TUBB8B: variants seen among roughly 807,000 people sequenced by gnomAD.
TUBB8B encodes the protein HSA18p11 beta-tubulin 4Q pseudogene.
In TUBB8B, 26 loss-of-function variants were observed where a neutral mutation model predicts 31.9. The observed-to-expected ratio is 0.81, with a 90% CI of 0.60 to 1.13. The LOEUF is 1.13. Among genes scored for constraint, TUBB8B ranks in the 50% most tolerant of loss-of-function variants. The pLI is 0.00. For synonymous variants in TUBB8B, 173 were observed against 231.0 expected (o/e 0.75, Z 2.28); for missense variants, 467 against 586.7 (o/e 0.80, Z 2.11).
chr18:69,923 G>A, the TUBB8B span, among the ~76,000 whole-genome samples: 10 of 152,060 alleles, frequency 6.6e-5, no homozygotes, highest in Admixed American at 1.3e-4. Context: ...TTGGGAGGCC[G>A]AGGCGGGCGG....
Position 47,789 on chromosome 18 carries a change from C to A in TUBB8B, c.936G>T (p.Thr312=), listed in dbSNP as rs774084951. The change falls in exon 4 of 4, where the codon ACG becomes ACT. Residue 312 remains threonine, a synonymous_variant. Coordinates refer to ENST00000308911, the MANE Select transcript of TUBB8B (RefSeq NM_001358689.2). ...ACDPRHGCYL[T]VAAIFRGRMP... is the part of the protein sequence containing the mutation. ...TGCGACCCCTGAAAATGGCAGCCAC[C>A]GTTAGGTAGCAGCCGTGACGGGGGT... 5.0e-6 allele frequency: 8 copies of A among 1,611,538 alleles called. No homozygotes were observed. In the African/African-American group the frequency reaches 1.1e-4, roughly 22 times the overall value.
the TUBB8B span, among the ~76,000 whole-genome samples, chr18:72,196 A>ACAAC: frequency 1.2e-5 from 1 of 84,536 alleles, no homozygotes; most frequent in African/African-American, 3.9e-5. Context: ...AAAAAAAAAA[A>ACAAC]AAAGGAAAAA....
the TUBB8B span, among the ~76,000 whole-genome samples, chr18:58,520 G>A: frequency 2.0e-5 from 3 of 151,582 alleles, no homozygotes; most frequent in East Asian, 1.9e-4. Context: ...CCTTTGCTTC[G>A]ATCCTAATAA....
chr18:63,348 C>T, the TUBB8B span, among the ~76,000 whole-genome samples: 2 of 151,780 alleles, frequency 1.3e-5, no homozygotes. Context: ...TGTAGAGGTA[C>T]TGCTGTGGTG....
chr18:58,843 A>T, the TUBB8B span, among the ~76,000 whole-genome samples: 1 of 151,784 alleles, frequency 6.6e-6, no homozygotes, highest in African/African-American at 2.4e-5. Context: ...TAAGTGGCTC[A>T]TGATTCTACA....
chr18:71,607 T>C, the TUBB8B span, among the ~76,000 whole-genome samples: 1 of 128,896 alleles, frequency 7.8e-6, no homozygotes, highest in African/African-American at 2.9e-5. Flanking sequence ...CAGCCTGGCA[T>C]GGTGGTTCAG....
At chr18:72,243 A>G in the TUBB8B span, among the ~76,000 whole-genome samples, 1 of 151,702 alleles carries the variant, frequency 6.6e-6, no homozygotes, top group Non-Finnish European at 1.5e-5. Context: ...ATACGGGTTT[A>G]CAGCTCAGTA....
chr18:71,070 A>T, the TUBB8B span, among the ~76,000 whole-genome samples: 2 of 151,186 alleles, frequency 1.3e-5, no homozygotes, highest in African/African-American at 4.9e-5. Flanking sequence ...CGACGTAAAG[A>T]TCCTGCTTAA....
At chr18:53,232 C>T (rs1906179665), upstream of TUBB8B, among the ~76,000 whole-genome samples, 1 of 151,832 alleles carries the variant, frequency 6.6e-6, no homozygotes, top group African/African-American at 2.4e-5. Flanking sequence ...CCATGAGTTC[C>T]TCTAACACAG....
At position 47,785 on chromosome 18, in the gene TUBB8B, C is replaced by A; in HGVS notation, c.940G>T (p.Ala314Ser). The change falls in exon 4 of 4, where the codon GCT becomes TCT. Residue 314 changes from alanine (A) to serine (S), a missense_variant. Around this residue, in one of 2 missense-constraint regions of TUBB8B, gnomAD observed 208 missense variants for 206.7 expected, o/e 1.01. Coordinates refer to ENST00000308911, the MANE Select transcript of TUBB8B (RefSeq NM_001358689.2). The part of the protein sequence containing the change: ...DPRHGCYLTV[A>S]AIFRGRMPMR... Reference sequence around the variant, plus strand: ...GGCATGCGACCCCTGAAAATGGCAGCCACCGTTAGGTAGCAGCCGTGACGG... The same window carrying A: ...GGCATGCGACCCCTGAAAATGGCAGACACCGTTAGGTAGCAGCCGTGACGG... 1.9e-6 allele frequency: 3 copies of A among 1,611,680 alleles called. No individual in the cohort carries two copies. Among genetic ancestry groups the A allele is most frequent in the Non-Finnish European group, 1.7e-6 (2 of 1,179,524 alleles).
chr18:52,205 C>T (rs1356655801), upstream of TUBB8B, among the ~76,000 whole-genome samples: 8 of 152,034 alleles, frequency 5.3e-5, no homozygotes, highest in Non-Finnish European at 1.0e-4. Flanking sequence ...GACATCAAGG[C>T]TAAAAGTCAG....
At chr18:48,847 G>A (rs1905882906) in intron 3 of TUBB8B, 93 bp downstream of exon 3, 1 of 924,528 alleles carries the variant, frequency 1.1e-6, no homozygotes, top group Non-Finnish European at 1.8e-6. Flanking sequence ...AGGGGCCCTG[G>A]CGCCACAGTT....
chr18:72,196 A>AAAAAAAAACAAAAAAAAAAC, the TUBB8B span, among the ~76,000 whole-genome samples: 1 of 84,536 alleles, frequency 1.2e-5, no homozygotes, highest in African/African-American at 3.9e-5. Context: ...AAAAAAAAAA[A>AAAAAAAAACAAAAAAAAAAC]AAAGGAAAAA....
At chr18:63,641 C>T in the TUBB8B span, among the ~76,000 whole-genome samples, 27 of 151,370 alleles carry the variant, frequency 1.8e-4, 1 homozygote, top group Non-Finnish European at 3.8e-4. Context: ...AACCCTAACC[C>T]CAAACCCTAA....
the TUBB8B span, among the ~76,000 whole-genome samples, chr18:68,133 C>T: frequency 6.6e-6 from 1 of 152,152 alleles, no homozygotes; most frequent in Non-Finnish European, 1.5e-5. Context: ...TTGATGTCGT[C>T]TCTGCTTTAT....
At chr18:60,087 T>G in the TUBB8B span, among the ~76,000 whole-genome samples, 1 of 151,812 alleles carries the variant, frequency 6.6e-6, no homozygotes, top group African/African-American at 2.4e-5. Context: ...AAGAATGAGT[T>G]TGGAAATGTT....
the TUBB8B span, among the ~76,000 whole-genome samples, chr18:63,524 C>T: frequency 8.6e-5 from 13 of 151,780 alleles, no homozygotes; most frequent in South Asian, 8.3e-4. Context: ...ACTGAGACTG[C>T]GCTGGTTCAC....
At position 48,136 on chromosome 18, in the gene TUBB8B, C is replaced by T; in HGVS notation, c.589G>A (p.Asp197Asn). Residue 197 changes from aspartate to asparagine, a missense_variant, in exon 4 of 4, where the codon GAT becomes AAT. This residue lies in a region of TUBB8B where 259 missense variants were observed against 380.1 expected (regional missense o/e 0.68). Coordinates refer to ENST00000308911, the MANE Select transcript of TUBB8B (RefSeq NM_001358689.2). ...TCGTTATCTATGCAGAAGGTCTCATCCGCGTTTTCTATGAGCTGGTGGACT... is the reference window on the plus strand; with the variant it reads ...TCGTTATCTATGCAGAAGGTCTCATTCGCGTTTTCTATGAGCTGGTGGACT... ...LSVHQLIENADETFCIDNEAL... is the reference protein window; with the variant it reads ...LSVHQLIENANETFCIDNEAL... 6.2e-7 allele frequency: 1 copy of T among 1,614,176 alleles called. No homozygotes were observed. Among genetic ancestry groups the T allele is most frequent in the Non-Finnish European group, 8.5e-7 (1 of 1,179,986 alleles).
At chr18:63,886 ACCCTAACCCTAC>A in the TUBB8B span, among the ~76,000 whole-genome samples, 1 of 138,712 alleles carries the variant, frequency 7.2e-6, no homozygotes, top group Non-Finnish European at 1.6e-5. Context: ...CCTAGCCCTA[ACCCTAACCCTAC>A]CCCTAACCCC....
Sources: gnomAD v4.1 joint callset for allele counts (sites outside exome capture counted in the v4.1 genomes callset) on GRCh38, gnomAD v4.1.1 for gene constraint, gnomAD v4.1.1 regional missense constraint, MANE v1.5 for transcripts, NCBI Gene and HGNC (gene_info 2026-07-23, HGNC 2026-07-21) for gene names.